Variants in SLC9D1 observed in about 807,000 individuals in gnomAD.
The protein encoded by SLC9D1 is putative LAG1-interacting protein.
the SLC9D1 span, among the ~76,000 whole-genome samples, chr13:113,547,927 C>G: frequency 6.7e-6 from 1 of 150,360 alleles, no homozygotes; most frequent in South Asian, 2.1e-4. Context: ...ACACCACCAG[C>G]TCTTAGCTGC....
the SLC9D1 span, chr13:113,539,287 T>G: frequency 1.0e-5 from 15 of 1,464,254 alleles, no homozygotes; most frequent in South Asian, 3.5e-5. This position sits in a 1 kb window ranked among gnomAD's most constrained non-coding sequence, Gnocchi z 4.8. Flanking sequence ...GGTCTCGGGG[T>G]GGCCTTGGGA....
At chr13:113,508,680 C>A in the SLC9D1 span, among the ~76,000 whole-genome samples, 1 of 152,154 alleles carries the variant, frequency 6.6e-6, no homozygotes, top group Non-Finnish European at 1.5e-5. Context: ...ATGAAGTGAG[C>A]CCGGGCCTCA....
At chr13:113,493,721 A>C in the SLC9D1 span, among the ~76,000 whole-genome samples, 1 of 152,224 alleles carries the variant, frequency 6.6e-6, no homozygotes, top group African/African-American at 2.4e-5. Context: ...AGTCTCCAAG[A>C]ATGTTTTGAA....
At chr13:113,547,013 G>A in the SLC9D1 span, 27 of 400,418 alleles carry the variant, frequency 6.7e-5, no homozygotes, top group African/African-American at 5.0e-4. Context: ...CAGACCGAGT[G>A]CCGCCTCTGT....
At chr13:113,521,850 T>A in the SLC9D1 span, among the ~76,000 whole-genome samples, 1 of 151,970 alleles carries the variant, frequency 6.6e-6, no homozygotes, top group East Asian at 1.9e-4. Context: ...TAAGCTTGAG[T>A]GTGTTTTAAG....
chr13:113,545,851 C>T, the SLC9D1 span: 1 of 152,892 alleles, frequency 6.5e-6, no homozygotes. Context: ...GAGGTGGAGG[C>T]TCAGGGCGTG....
chr13:113,491,235 G>A, the SLC9D1 span: 1 of 152,316 alleles, frequency 6.6e-6, no homozygotes. Flanking sequence ...GAACGGTGAT[G>A]CTCGGGCCGG....
the SLC9D1 span, among the ~76,000 whole-genome samples, chr13:113,533,167 T>TTC: frequency 0.28 from 32,537 of 114,528 alleles, 5,932 homozygotes; most frequent in African/African-American, 0.48. Context: ...GCCTCCCTCC[T>TTC]GAAGTTGCAG....
chr13:113,517,771 G>C, the SLC9D1 span, among the ~76,000 whole-genome samples: 1 of 152,028 alleles, frequency 6.6e-6, no homozygotes, highest in Non-Finnish European at 1.5e-5. Flanking sequence ...CATTCAAGGG[G>C]ATGATGAACT....
the SLC9D1 span, among the ~76,000 whole-genome samples, chr13:113,496,185 T>G: frequency 6.6e-6 from 1 of 152,178 alleles, no homozygotes; most frequent in Non-Finnish European, 1.5e-5. Flanking sequence ...CGCTCAGGTG[T>G]TGTCTTTCAC....
At chr13:113,500,001 A>C in the SLC9D1 span, 9 of 1,569,750 alleles carry the variant, frequency 5.7e-6, no homozygotes, top group Non-Finnish European at 6.9e-6. Flanking sequence ...GTGGAGGAAG[A>C]AGAGGCCAAT....
At chr13:113,535,828 G>A in the SLC9D1 span, among the ~76,000 whole-genome samples, 2 of 151,338 alleles carry the variant, frequency 1.3e-5, no homozygotes, top group South Asian at 2.1e-4. The surrounding 1 kb of genome is among the most constrained non-coding windows in gnomAD (Gnocchi z 4.1). Context: ...TGTCTGTATC[G>A]GCACCTGAGT....
chr13:113,498,795 C>A, the SLC9D1 span: 5,991 of 350,678 alleles, frequency 0.017, 115 homozygotes, highest in South Asian at 0.037. Flanking sequence ...GACACTGGGA[C>A]TCTAGTCTCA....
chr13:113,536,621 C>G, the SLC9D1 span: 51 of 981,128 alleles, frequency 5.2e-5, no homozygotes, highest in Non-Finnish European at 6.1e-5. Context: ...TGACTCTGCC[C>G]GGCTCTCAGG....
chr13:113,532,896 A>C, the SLC9D1 span, among the ~76,000 whole-genome samples: 2 of 83,864 alleles, frequency 2.4e-5, no homozygotes, highest in Non-Finnish European at 4.8e-5. Context: ...CCTCCTACTG[A>C]AGTCGCAGAC....
At chr13:113,510,326 A>T in the SLC9D1 span, 1 of 1,614,226 alleles carries the variant, frequency 6.2e-7, no homozygotes, top group Non-Finnish European at 8.5e-7. Flanking sequence ...TTGCGGATCA[A>T]ACCCACGCAG....
chr13:113,497,862 A>C, the SLC9D1 span, among the ~76,000 whole-genome samples: 2 of 152,260 alleles, frequency 1.3e-5, no homozygotes, highest in African/African-American at 4.8e-5. Flanking sequence ...TTATATTGCC[A>C]GCATCATCCA....
the SLC9D1 span, chr13:113,495,490 ACT>A: frequency 6.2e-5 from 54 of 864,372 alleles, 1 homozygote; most frequent in Non-Finnish European, 9.5e-5. Context: ...TGTGACAATA[ACT>A]CTTTTTCAGC....
the SLC9D1 span, chr13:113,503,653 C>G: frequency 1.1e-6 from 1 of 911,064 alleles, no homozygotes; most frequent in Non-Finnish European, 1.8e-6. Context: ...TTGGTTCATA[C>G]ACTTTTAACA....
Sources: allele counts gnomAD v4.1 joint callset (sites outside exome capture counted in the v4.1 genomes callset), GRCh38; gene constraint gnomAD v4.1.1; non-coding constraint Gnocchi (gnomAD v3.1); transcripts MANE v1.5; gene names NCBI Gene and HGNC (gene_info 2026-07-23, HGNC 2026-07-21).